Variants in MAPK4 observed in about 807,000 individuals in gnomAD.
The protein encoded by MAPK4 is Erk3-related.
In MAPK4, 22 loss-of-function variants were observed where a neutral mutation model predicts 47.7. The ratio of observed to expected loss-of-function variants is 0.46; its 90% CI spans 0.33 to 0.66. The LOEUF (loss-of-function observed/expected upper bound fraction) is 0.66, where lower values mean the gene tolerates loss of function less well. MAPK4 is among the 30% of genes least tolerant of loss of function. The pLI, the probability that MAPK4 is intolerant of heterozygous loss-of-function variation, is 0.02. For missense variants in MAPK4, 736 were observed against 831.7 expected, an observed-to-expected ratio of 0.88 and a Z score of 1.42; for synonymous variants, 390 against 365.7, an observed-to-expected ratio of 1.07 and a Z score of -0.76.
In MAPK4 at chr18:50,684,910, C is replaced by T. The variant is rs577158864; in HGVS notation, c.546+20406C>T. Among the ~76,000 whole-genome samples, 16 of 152,308 alleles carry T rather than the reference C, an allele frequency of 1.1e-4. No homozygotes were observed. In the East Asian group the frequency reaches 3.1e-3, roughly 29 times the overall value. On this transcript the variant is annotated intron_variant, in intron 2 of 5. Coordinates refer to ENST00000400384, the MANE Select transcript of MAPK4 (RefSeq NM_002747.4). ...AGCAGTGTGTTAGGTGCCCTGCAGA[C>T]GTCTCCATGTTTCGGTGGCACCGGG...
chr18:50,728,700 A>G (rs546252186), intron 5 of MAPK4, among the ~76,000 whole-genome samples: 1 of 152,356 alleles, frequency 6.6e-6, no homozygotes, highest in Admixed American at 6.5e-5. Flanking sequence ...GCATCAGAGC[A>G]GCTGGGAGCT....
intron 2 of MAPK4, among the ~76,000 whole-genome samples, chr18:50,694,368 C>T (rs538197815): frequency 6.6e-6 from 1 of 152,312 alleles, no homozygotes; most frequent in Admixed American, 6.5e-5. Flanking sequence ...GTCCCCCTCA[C>T]CTCAGAAGTC....
intron 1 of MAPK4, among the ~76,000 whole-genome samples, chr18:50,578,304 A>C (rs1276221196): frequency 6.6e-6 from 1 of 152,262 alleles, no homozygotes; most frequent in Non-Finnish European, 1.5e-5. Flanking sequence ...AAGGCTCCAC[A>C]ACAGTGGTTT....
At chr18:50,599,169 A>T (rs542058942) in intron 1 of MAPK4, among the ~76,000 whole-genome samples, 1 of 152,334 alleles carries the variant, frequency 6.6e-6, no homozygotes, top group East Asian at 1.9e-4. Context: ...CTCTCCATAC[A>T]GCACCACTGA....
chr18:50,650,034 C>T (rs2043031893), intron 1 of MAPK4, among the ~76,000 whole-genome samples: 1 of 152,208 alleles, frequency 6.6e-6, no homozygotes, highest in Non-Finnish European at 1.5e-5. Flanking sequence ...AGGTTAAATC[C>T]AGTTCCTGTC....
intron 5 of MAPK4, among the ~76,000 whole-genome samples, chr18:50,728,582 A>G (rs1294917261): frequency 6.6e-6 from 1 of 152,206 alleles, no homozygotes; most frequent in African/African-American, 2.4e-5. Flanking sequence ...GCAGTGAGGC[A>G]GACATGCTAT....
intron 1 of MAPK4, among the ~76,000 whole-genome samples, chr18:50,654,969 AG>A (rs1174850222): frequency 6.6e-6 from 1 of 152,182 alleles, no homozygotes; most frequent in African/African-American, 2.4e-5. Flanking sequence ...TTTGGGGAGG[AG>A]GGAACTCCCC....
chr18:50,692,567 G>T (rs73959996), intron 2 of MAPK4, among the ~76,000 whole-genome samples: 9,490 of 152,222 alleles, frequency 0.062, 678 homozygotes, highest in African/African-American at 0.18. Context: ...GATTTTACAG[G>T]GTTGTTCTAA....
At chr18:50,660,535 G>A (rs969104975) in intron 1 of MAPK4, among the ~76,000 whole-genome samples, 1 of 152,180 alleles carries the variant, frequency 6.6e-6, no homozygotes, top group Non-Finnish European at 1.5e-5. Flanking sequence ...AGCTACTTGT[G>A]AAGCTTACAG....
At chr18:50,571,088 G>C (rs1355305293) in intron 1 of MAPK4, among the ~76,000 whole-genome samples, 1 of 152,200 alleles carries the variant, frequency 6.6e-6, no homozygotes, top group African/African-American at 2.4e-5. Flanking sequence ...AGAGAAGGGA[G>C]GTGTGGGTGT....
intron 2 of MAPK4, among the ~76,000 whole-genome samples, chr18:50,712,193 G>A (rs577589774): frequency 1.1e-4 from 17 of 152,302 alleles, no homozygotes; most frequent in African/African-American, 3.4e-4. Context: ...TCGAAAGGCC[G>A]AGGTAGGCAG....
intron 1 of MAPK4, among the ~76,000 whole-genome samples, chr18:50,561,259 A>C (rs569670422): frequency 6.6e-6 from 1 of 152,340 alleles, no homozygotes; most frequent in Non-Finnish European, 1.5e-5. Flanking sequence ...GGGTTGATTA[A>C]TGTCACCCCT....
intron 2 of MAPK4, among the ~76,000 whole-genome samples, chr18:50,698,755 C>G (rs1252479610): frequency 1.3e-5 from 2 of 152,184 alleles, no homozygotes; most frequent in African/African-American, 2.4e-5. Flanking sequence ...TATAGCCAAG[C>G]ACGGTGGCTC....
In MAPK4 at chr18:50,678,666, T is replaced by A. The variant is rs1377262166; in HGVS notation, c.546+14162T>A. 6.6e-6 allele frequency among the ~76,000 whole-genome samples: 1 copy of A among 152,124 alleles called. No individual in the cohort carries two copies. The highest frequency in any genetic ancestry group is 1.5e-5 in the Non-Finnish European group (1 of 68,024). Reference sequence around the variant, plus strand: ...TCCCTTTTTCAATAATTCCCAAAAATATATAAAATGAACAGGCCTTGGTCC... The same window carrying A: ...TCCCTTTTTCAATAATTCCCAAAAAAATATAAAATGAACAGGCCTTGGTCC... On this transcript the variant is annotated intron_variant, in intron 2 of 5. Coordinates refer to ENST00000400384, the MANE Select transcript of MAPK4 (RefSeq NM_002747.4). The surrounding 1 kb of genome is among the most constrained non-coding windows in gnomAD (Gnocchi z 4.2).
At chr18:50,630,742 C>T (rs914788460) in intron 1 of MAPK4, among the ~76,000 whole-genome samples, 1 of 152,208 alleles carries the variant, frequency 6.6e-6, no homozygotes, top group Non-Finnish European at 1.5e-5. Context: ...ATTCACAGCC[C>T]TCCGCAGTCT....
At chr18:50,576,942 G>T (rs2042302501) in intron 1 of MAPK4, among the ~76,000 whole-genome samples, 1 of 152,206 alleles carries the variant, frequency 6.6e-6, no homozygotes, top group East Asian at 1.9e-4. Context: ...TCGGGTAGGT[G>T]CTGTAGGAGA....
intron 1 of MAPK4, among the ~76,000 whole-genome samples, chr18:50,657,021 A>C (rs1482237177): frequency 6.6e-6 from 1 of 152,348 alleles, no homozygotes; most frequent in East Asian, 1.9e-4. Context: ...CAGCGATGCC[A>C]GCAAGGTCCC....
chr18:50,653,410 C>T (rs1444130729), intron 1 of MAPK4, among the ~76,000 whole-genome samples: 1 of 152,100 alleles, frequency 6.6e-6, no homozygotes, highest in African/African-American at 2.4e-5. Context: ...GATGTCAGTT[C>T]CCAAGATGAG....
chr18:50,729,392 G>T lies in MAPK4; in HGVS notation c.1302G>T (p.Ser434=). ...YGRSCDYKVG[S]PSYLDKLLWR... ...GCTCCTGCGACTACAAGGTGGGGTCGCCGTCCTACCTGGACAAGCTGCTGT... is the reference window on the plus strand; with the variant it reads ...GCTCCTGCGACTACAAGGTGGGGTCTCCGTCCTACCTGGACAAGCTGCTGT... Residue 434 remains serine, a synonymous_variant, in exon 6 of 6, where the codon TCG becomes TCT. Coordinates refer to ENST00000400384, the MANE Select transcript of MAPK4 (RefSeq NM_002747.4). 1 of 1,564,372 alleles carries T rather than the reference G, an allele frequency of 6.4e-7. No homozygotes were observed. The highest frequency in any genetic ancestry group is 8.6e-7 in the Non-Finnish European group (1 of 1,157,830).
Sources: allele counts gnomAD v4.1 joint callset (sites outside exome capture counted in the v4.1 genomes callset), GRCh38; gene constraint gnomAD v4.1.1; non-coding constraint Gnocchi (gnomAD v3.1); transcripts MANE v1.5; gene names NCBI Gene and HGNC (gene_info 2026-07-23, HGNC 2026-07-21).